Variants in SLC4A8 observed in about 807,000 individuals in gnomAD.
SLC4A8 encodes the protein electroneutral sodium bicarbonate exchanger 1.
In SLC4A8, 40 loss-of-function variants were observed where a neutral mutation model predicts 125.0. The ratio of observed to expected loss-of-function variants is 0.32; its 90% CI spans 0.25 to 0.42. SLC4A8 has a LOEUF of 0.42. SLC4A8 is among the 10% of genes least tolerant of loss of function. The pLI is 1.00. For missense variants in SLC4A8, 863 were observed against 1,355.1 expected, an observed-to-expected ratio of 0.64 and a Z score of 5.70; for synonymous variants, 456 against 476.0, an observed-to-expected ratio of 0.96 and a Z score of 0.55.
rs534732754 is a variant in SLC4A8, at chr12:51,450,056, A to T, written c.131-820A>T. Among the ~76,000 whole-genome samples the T allele has an allele frequency of 1.4e-4, 21 of 152,214 alleles. No individual in the cohort carries two copies. In the East Asian group the frequency reaches 4.1e-3, roughly 29 times the overall value. On this transcript the variant is annotated intron_variant, in intron 2 of 24. Transcript: ENST00000453097. ...GAAGAAAAAGAAGAAATAGGAGCAGAGGAACTAGGGAGGGAACACTATTGG... is the reference window on the plus strand; with the variant it reads ...GAAGAAAAAGAAGAAATAGGAGCAGTGGAACTAGGGAGGGAACACTATTGG...
intron 1 of SLC4A8, among the ~76,000 whole-genome samples, chr12:51,429,963 G>A (rs1191969438): frequency 6.6e-6 from 1 of 151,902 alleles, no homozygotes; most frequent in Non-Finnish European, 1.5e-5. Context: ...AGAACAAGCA[G>A]AAGGAAGTGT....
rs1200224218 is a variant in SLC4A8, at chr12:51,512,642, T to TG, written c.*5207dup. 1.3e-5 allele frequency: 2 copies of TG among 152,404 alleles called. No homozygotes were observed. The highest frequency in any genetic ancestry group is 3.9e-4 in the East Asian group (2 of 5,186). 9.4% of individuals were successfully genotyped at this position (152,404 alleles called of 1,614,324 possible). On this transcript the variant is annotated 3_prime_UTR_variant, in exon 25 of 25. Coordinates refer to ENST00000453097, the MANE Select transcript of SLC4A8 (RefSeq NM_001039960.3). Reference sequence around the variant, plus strand: ...TGGTGAAGCAGCAGCAGTGTGTGTGTGGGTGTGGGTGTGTGTGCATGCGTG... The same window carrying TG: ...TGGTGAAGCAGCAGCAGTGTGTGTGTGGGGTGTGGGTGTGTGTGCATGCGTG...
At chr12:51,506,229 A>G (rs1938163993) in intron 24 of SLC4A8, among the ~76,000 whole-genome samples, 1 of 152,188 alleles carries the variant, frequency 6.6e-6, no homozygotes, top group African/African-American at 2.4e-5. Flanking sequence ...TCTAGTTCTC[A>G]TTTCAGAATC....
At chr12:51,489,040 T>C (rs1357764904) in intron 18 of SLC4A8, among the ~76,000 whole-genome samples, 180 bp downstream of exon 18, 1 of 152,220 alleles carries the variant, frequency 6.6e-6, no homozygotes, top group African/African-American at 2.4e-5. Context: ...GGTTGTATGG[T>C]ATGAAAGCAA....
rs768378319 is a variant in SLC4A8 at position 51,433,887 on chromosome 12, T to TG, written c.49-6821_49-6820insG. ...TTTTTTTTTTTTTTTTTGGTTGGTT[T>TG]TTTTTTGAGACAGGGTCTTTCTCCG... On this transcript the variant is annotated intron_variant, in intron 1 of 24. Transcript: ENST00000453097. Among the ~76,000 whole-genome samples the TG allele has an allele frequency of 7.1e-4, 91 of 127,652 alleles. 2 individuals carry two copies. The highest frequency in any genetic ancestry group is 9.0e-4 in the Non-Finnish European group (54 of 60,026). 83.7% of individuals were successfully genotyped at this position (127,652 alleles called of 152,430 possible).
chr12:51,472,344 T>A (rs959873952), intron 14 of SLC4A8, among the ~76,000 whole-genome samples: 2 of 152,216 alleles, frequency 1.3e-5, no homozygotes. Flanking sequence ...GAGTACACTT[T>A]CTGGAGGCAT....
At chr12:51,432,622 C>G (rs1949232236) in intron 1 of SLC4A8, among the ~76,000 whole-genome samples, 1 of 151,870 alleles carries the variant, frequency 6.6e-6, no homozygotes. Context: ...ACTCGGCAGG[C>G]TGAAGCAGGA....
intron 1 of SLC4A8, among the ~76,000 whole-genome samples, chr12:51,411,602 G>A (rs1948599841): frequency 6.6e-6 from 1 of 150,448 alleles, no homozygotes; most frequent in Middle Eastern, 3.2e-3. Context: ...ACACACACAA[G>A]TCTTTTTTAA....
At chr12:51,438,799 G>A (rs748774889) in intron 1 of SLC4A8, among the ~76,000 whole-genome samples, 17 of 152,074 alleles carry the variant, frequency 1.1e-4, no homozygotes, top group Non-Finnish European at 1.8e-4. Context: ...GTTATATTTT[G>A]TCTTTTTGAT....
rs923932748 is a variant in SLC4A8, at chr12:51,509,825, C to CT, written c.*2392dup. On this transcript the variant is annotated 3_prime_UTR_variant, in exon 25 of 25. Coordinates refer to ENST00000453097, the MANE Select transcript of SLC4A8 (RefSeq NM_001039960.3). ...CACTGCGCCTTAGGAATGTTAGCTA[C>CT]TTTTTAAAAAAAATATGATTTGGTG... The CT allele has an allele frequency of 6.6e-6, 1 of 152,134 alleles. No individual in the cohort carries two copies. The highest frequency in any genetic ancestry group is 1.5e-5 in the Non-Finnish European group (1 of 68,052). 9.4% of individuals were successfully genotyped at this position (152,134 alleles called of 1,614,324 possible). A position where few individuals can be genotyped will look rare whatever the true frequency, so the allele number is the denominator to read the frequency against.
intron 22 of SLC4A8, among the ~76,000 whole-genome samples, chr12:51,498,117 T>A (rs1214140272): frequency 6.6e-6 from 1 of 151,838 alleles, no homozygotes; most frequent in East Asian, 1.9e-4. Context: ...TATTTCTAAA[T>A]AAGCTTCAAC....
intron 9 of SLC4A8, chr12:51,461,920 T>G: frequency 4.7e-6 from 1 of 214,116 alleles, no homozygotes. Flanking sequence ...GGACCTTCAT[T>G]AGTAATTCCA....
intron 1 of SLC4A8, among the ~76,000 whole-genome samples, chr12:51,398,674 T>C (rs1948313721): frequency 6.6e-6 from 1 of 152,218 alleles, no homozygotes; most frequent in Non-Finnish European, 1.5e-5. Context: ...ATAAACTAAC[T>C]CCGCAGAGCA....
Position 51,462,332 on chromosome 12 carries a change from A to G in SLC4A8, c.1124A>G (p.Lys375Arg). ...TDEIFHDVAY[K>R]AKERDDLLAG... ...TAGATTTTTCATGACGTAGCATATA[A>G]GGCAAAAGAGCGAGATGATCTCCTG... The change falls in exon 10 of 25, where the codon AAG becomes AGG. Residue 375 changes from lysine (K) to arginine (R), a missense_variant. Lys to Arg is a conservative substitution (Grantham distance 26, BLOSUM62 2). Coordinates refer to ENST00000453097, the MANE Select transcript of SLC4A8 (RefSeq NM_001039960.3). 6.2e-7 allele frequency: 1 copy of G among 1,614,020 alleles called. No homozygotes were observed. The highest frequency in any genetic ancestry group is 1.1e-5 in the South Asian group (1 of 91,074).
chr12:51,428,201 A>G (rs1949063194), intron 1 of SLC4A8, among the ~76,000 whole-genome samples: 1 of 152,166 alleles, frequency 6.6e-6, no homozygotes, highest in South Asian at 2.1e-4. Context: ...CTGAACCTTC[A>G]TCCCAGTCAC....
intron 1 of SLC4A8, among the ~76,000 whole-genome samples, chr12:51,429,121 A>G (rs1180598743): frequency 6.6e-6 from 1 of 152,138 alleles, no homozygotes; most frequent in Non-Finnish European, 1.5e-5. Context: ...CATGTTGGCC[A>G]GGCTGGTCTC....
In SLC4A8 at chr12:51,471,324, A is replaced by G. The variant is rs749002500; in HGVS notation, c.1696A>G (p.Ile566Val). The G allele has an allele frequency of 2.3e-5, 37 of 1,613,620 alleles. No individual in the cohort carries two copies. The highest frequency in any genetic ancestry group is 3.1e-5 in the Non-Finnish European group (36 of 1,179,988). ...ALSYLSLRAC[I>V]GLWTAFLCIV... The stretch of plus-strand genomic sequence containing the variant: ...TTCATACCTCTCCCTGCGAGCTTGT[A>G]TTGGACTGTGGACCGCTTTCCTGTG... Residue 566 changes from isoleucine (I) to valine (V), a missense_variant, in exon 14 of 25, where the codon ATT becomes GTT. By Grantham distance (29) the Ile-to-Val change is conservative. Coordinates refer to ENST00000453097, the MANE Select transcript of SLC4A8 (RefSeq NM_001039960.3).
chr12:51,454,425 A>T (rs1273088894), intron 5 of SLC4A8, among the ~76,000 whole-genome samples: 2 of 144,260 alleles, frequency 1.4e-5, no homozygotes, highest in African/African-American at 5.2e-5. Flanking sequence ...CAGCATATGG[A>T]GGAGCCCGCC....
At chr12:51,423,500 C>T (rs1859757166), upstream of SLC4A8, among the ~76,000 whole-genome samples, 1 of 152,172 alleles carries the variant, frequency 6.6e-6, no homozygotes, top group African/African-American at 2.4e-5. Flanking sequence ...AGAGACTAGA[C>T]AGGAGGCTTA....
Sources: gnomAD v4.1 joint callset for allele counts (sites outside exome capture counted in the v4.1 genomes callset) on GRCh38, gnomAD v4.1.1 for gene constraint, MANE v1.5 for transcripts, NCBI Gene and HGNC (gene_info 2026-07-23, HGNC 2026-07-21) for gene names.